FCHO2: variants seen among roughly 807,000 people sequenced by gnomAD.
The protein encoded by FCHO2 is F-BAR domain only protein 2.
Under a neutral mutation model 114.1 loss-of-function variants are expected in FCHO2, and 43 were observed. That is an observed-to-expected ratio of 0.38 (90% confidence interval 0.30 to 0.49). The LOEUF is 0.49. FCHO2 is among the 20% of genes least tolerant of loss of function. The pLI is 0.97. For missense variants in FCHO2, 807 were observed against 950.4 expected (o/e 0.85, Z 1.98); for synonymous variants, 293 against 315.2 (o/e 0.93, Z 0.75).
intron 17 of FCHO2, among the ~76,000 whole-genome samples, chr5:73,062,075 A>G (rs980002200): frequency 6.6e-6 from 1 of 152,022 alleles, no homozygotes; most frequent in Non-Finnish European, 1.5e-5. Context: ...TATACTTCAC[A>G]GGTCAATTTA....
intron 1 of FCHO2, among the ~76,000 whole-genome samples, chr5:72,960,081 A>C (rs1390182475): frequency 6.6e-6 from 1 of 152,224 alleles, no homozygotes; most frequent in Non-Finnish European, 1.5e-5. Flanking sequence ...TGCCCAGCCA[A>C]AGTTTTAGGT....
intron 7 of FCHO2, 106 bp from the exon 8 acceptor site, chr5:73,017,106 A>G: frequency 1.2e-5 from 8 of 687,054 alleles, no homozygotes; most frequent in Non-Finnish European, 1.8e-5. Context: ...TTGGGTCAAA[A>G]ATACATATTT....
At chr5:72,965,624 A>G (rs948790157) in intron 1 of FCHO2, among the ~76,000 whole-genome samples, 6 of 152,180 alleles carry the variant, frequency 3.9e-5, no homozygotes, top group Non-Finnish European at 8.8e-5. Context: ...GAGAGCTGTC[A>G]TTGCATGTCT....
At position 72,990,470 on chromosome 5, in the gene FCHO2, T is replaced by C; in HGVS notation, c.201-8T>C. 2.7e-6 allele frequency: 4 copies of C among 1,496,444 alleles called. No individual in the cohort carries two copies. In the South Asian group the frequency reaches 5.4e-5, roughly 20 times the overall value. 92.7% of individuals were successfully genotyped at this position (1,496,444 alleles called of 1,614,324 possible). On this transcript the variant is annotated splice_region_variant and splice_polypyrimidine_tract_variant and intron_variant, in intron 3 of 25. Transcript: ENST00000430046. The stretch of plus-strand genomic sequence containing the variant: ...AATAAGTTATTCCCATATTTTTTAT[T>C]TTCTTAGAACATTTGCACCAGTATG...
intron 18 of FCHO2, among the ~76,000 whole-genome samples, chr5:73,064,980 G>A (rs1041011308): frequency 1.3e-5 from 2 of 151,794 alleles, no homozygotes; most frequent in Admixed American, 6.6e-5. Flanking sequence ...TTTTTTGTGT[G>A]TGTTACCTTT....
At chr5:72,985,735 T>C (rs1204655894) in intron 2 of FCHO2, among the ~76,000 whole-genome samples, 2 of 152,216 alleles carry the variant, frequency 1.3e-5, no homozygotes, top group Non-Finnish European at 2.9e-5. Flanking sequence ...TCTTTGAAGG[T>C]AACATTTGGT....
Position 73,055,048 on chromosome 5 carries a change from G to C in FCHO2, c.1210+499G>C, listed in dbSNP as rs894104998. 2.1e-4 allele frequency: 77 copies of C among 367,554 alleles called. 1 individual carries two copies. The highest frequency in any genetic ancestry group is 1.6e-3 in the South Asian group (73 of 46,900). The allele number at this position is 367,554 out of a possible 1,614,324, so 22.8% of individuals were successfully genotyped here. Reference sequence around the variant, plus strand: ...AACAGTTGAAGCAGCCCACTCAAAAGCTATGTAATTTTGTTAACAGAAGAC... The same window carrying C: ...AACAGTTGAAGCAGCCCACTCAAAACCTATGTAATTTTGTTAACAGAAGAC... On this transcript the variant is annotated intron_variant, in intron 15 of 25. Coordinates refer to ENST00000430046, the MANE Select transcript of FCHO2 (RefSeq NM_138782.3).
At chr5:73,049,477 T>TA (rs1172537022) in intron 11 of FCHO2, among the ~76,000 whole-genome samples, 5 of 152,224 alleles carry the variant, frequency 3.3e-5, no homozygotes, top group Non-Finnish European at 7.3e-5. Context: ...TCTTGACTCT[T>TA]AGAGTACCTT....
intron 1 of FCHO2, among the ~76,000 whole-genome samples, chr5:72,961,419 T>C (rs1031163072): frequency 4.6e-5 from 7 of 152,180 alleles, no homozygotes; most frequent in African/African-American, 1.7e-4. Flanking sequence ...TTTTAGGATA[T>C]GATCCCATCA....
In FCHO2 at chr5:73,006,504, A is replaced by G. The variant is rs767549214; in HGVS notation, c.555A>G (p.Ala185=). The stretch of plus-strand genomic sequence containing the variant: ...ATAAACTCTATGTGGAAAAATATGC[A>G]TTAGCAAAAGCTGATTTCGAACAGA... ...DTYKLYVEKY[A]LAKADFEQKM... The change falls in exon 6 of 26, where the codon GCA becomes GCG. Residue 185 remains alanine (A), a synonymous_variant. Coordinates refer to ENST00000430046, the MANE Select transcript of FCHO2 (RefSeq NM_138782.3). The G allele has an allele frequency of 3.8e-6, 6 of 1,578,908 alleles. No homozygotes were observed. Among genetic ancestry groups the G allele is most frequent in the African/African-American group, 1.4e-5 (1 of 73,322 alleles).
chr5:73,005,818 A>C (rs1350495783), intron 5 of FCHO2, among the ~76,000 whole-genome samples: 1 of 152,180 alleles, frequency 6.6e-6, no homozygotes, highest in Admixed American at 6.5e-5. Context: ...GTAACTTATA[A>C]AACCAGAACT....
rs539333083 is a variant in FCHO2, at chr5:72,996,891, G to A, written c.495+6027G>A. 4 of 1,513,982 alleles carry A rather than the reference G, an allele frequency of 2.6e-6. No individual in the cohort carries two copies. The South Asian group carries it at 4.8e-5, about 18-fold the overall frequency. 93.8% of individuals were successfully genotyped at this position (1,513,982 alleles called of 1,614,324 possible). On this transcript the variant is annotated intron_variant, in intron 5 of 25. Coordinates refer to ENST00000430046, the MANE Select transcript of FCHO2 (RefSeq NM_138782.3). ...GGGGCCCCCGGGGCCGGCGGGGCCG[G>A]CAGAGCAGGCAGTGCCAGGGTCATC...
intron 19 of FCHO2, among the ~76,000 whole-genome samples, chr5:73,072,428 C>T (rs1742699663): frequency 6.6e-6 from 1 of 151,968 alleles, no homozygotes; most frequent in South Asian, 2.1e-4. Flanking sequence ...GAATTGAAAG[C>T]AGGACCTCAA....
At chr5:73,060,325 A>G (rs185788596) in intron 17 of FCHO2, among the ~76,000 whole-genome samples, 72 of 152,154 alleles carry the variant, frequency 4.7e-4, no homozygotes, top group Middle Eastern at 3.4e-3. Context: ...TTTCAAAAAA[A>G]AAGTTAATGA....
intron 8 of FCHO2, among the ~76,000 whole-genome samples, chr5:73,030,216 A>AT (rs1756162733): frequency 6.6e-6 from 1 of 151,696 alleles, no homozygotes; most frequent in Non-Finnish European, 1.5e-5. Flanking sequence ...TAATTTTTGT[A>AT]TTTTTAGTAG....
rs146605492 is a variant in FCHO2, at chr5:73,059,379, T to G, written c.1345+855T>G. On this transcript the variant is annotated intron_variant, in intron 17 of 25. Coordinates refer to ENST00000430046, the MANE Select transcript of FCHO2 (RefSeq NM_138782.3). ...AGTTGTTTTTATTGTCCCTGTTTTA[T>G]AGATGAAAAAAGTAAAGCTCAGAGA... Among the ~76,000 whole-genome samples, 752 of 152,164 alleles carry G rather than the reference T, an allele frequency of 4.9e-3. 2 individuals are homozygous for G. Among genetic ancestry groups the G allele is most frequent in the Non-Finnish European group, 8.9e-3 (604 of 67,960 alleles).
chr5:73,039,881 C>T (rs30532), intron 10 of FCHO2, among the ~76,000 whole-genome samples: 79,385 of 150,146 alleles, frequency 0.53, 21,977 homozygotes, highest in African/African-American at 0.71. Context: ...TGAGCCGAGA[C>T]GATGCCACTG....
At chr5:72,965,313 A>G (rs1402003765) in intron 1 of FCHO2, among the ~76,000 whole-genome samples, 1 of 152,226 alleles carries the variant, frequency 6.6e-6, no homozygotes, top group Non-Finnish European at 1.5e-5. Context: ...TGTTTACACT[A>G]TATTATTTAC....
At chr5:73,085,057 A>G (rs911054694) in intron 24 of FCHO2, among the ~76,000 whole-genome samples, 1 of 152,212 alleles carries the variant, frequency 6.6e-6, no homozygotes, top group Non-Finnish European at 1.5e-5. Flanking sequence ...GTTCTCTCAA[A>G]AATAAGACAC....
Sources: gnomAD v4.1 joint callset for allele counts (sites outside exome capture counted in the v4.1 genomes callset) on GRCh38, gnomAD v4.1.1 for gene constraint, MANE v1.5 for transcripts, NCBI Gene and HGNC (gene_info 2026-07-23, HGNC 2026-07-21) for gene names.